DGKB: variants seen among roughly 807,000 people sequenced by gnomAD.
The protein encoded by DGKB is diacylglycerol kinase beta.
A neutral mutation model predicts 114.3 loss-of-function variants in DGKB; 67 were observed. The observed-to-expected ratio is 0.59, with a 90% confidence interval of 0.48 to 0.72. The LOEUF is 0.72. Among genes scored for constraint, DGKB ranks in the 30% least tolerant of loss-of-function variants. The probability of loss-of-function intolerance (pLI) is 0.00; values close to 1 mark genes in which losing one functional copy is unlikely to be tolerated. For missense variants in DGKB, 907 were observed against 975.2 expected, an observed-to-expected ratio of 0.93 and a Z score of 0.93; for synonymous variants, 398 against 323.1, an observed-to-expected ratio of 1.23 and a Z score of -2.49.
chr7:14,783,856 TAGTA>T lies in DGKB; in HGVS notation c.71-26129_71-26126del, dbSNP rs1839475062. Among the ~76,000 whole-genome samples, 3 of 152,338 alleles carry T rather than the reference TAGTA, an allele frequency of 2.0e-5. No individual in the cohort carries two copies. The South Asian group carries it at 6.2e-4, about 32-fold the overall frequency. On this transcript the variant is annotated intron_variant, in intron 2 of 25. Coordinates refer to ENST00000402815, the MANE Select transcript of DGKB (RefSeq NM_001350709.2). ...AATGAAAGAGATGGGATCTTTTTCA[TAGTA>T]AGTAATTACTTTTATTATAGAGTAT...
chr7:14,176,462 C>A, intron 25 of DGKB: 1 of 992,894 alleles, frequency 1.0e-6, no homozygotes, highest in East Asian at 1.1e-4. Flanking sequence ...CACATATAAG[C>A]TTAGGTCTGC....
At chr7:14,536,195 G>T (rs1355383412) in intron 20 of DGKB, among the ~76,000 whole-genome samples, 1 of 152,028 alleles carries the variant, frequency 6.6e-6, no homozygotes, top group Non-Finnish European at 1.5e-5. Context: ...GGACCAGATG[G>T]CTTCACAGGT....
At chr7:14,269,516 T>C (rs1797977599) in intron 23 of DGKB, among the ~76,000 whole-genome samples, 1 of 152,196 alleles carries the variant, frequency 6.6e-6, no homozygotes, top group African/African-American at 2.4e-5. Context: ...AGTATATATT[T>C]TGAAGGCTAT....
At chr7:14,624,839 A>G (rs971609116) in intron 14 of DGKB, among the ~76,000 whole-genome samples, 9 of 152,110 alleles carry the variant, frequency 5.9e-5, no homozygotes, top group South Asian at 2.1e-4. Context: ...CGCTACTAAA[A>G]ACGCAAAAAT....
chr7:14,289,744 CAAAA>C (rs3067647), intron 23 of DGKB, among the ~76,000 whole-genome samples: 378 of 126,790 alleles, frequency 3.0e-3, no homozygotes, highest in Middle Eastern at 4.3e-3. Context: ...AGACATGGAC[CAAAA>C]AAAAAAAAAA....
At chr7:14,161,426 A>G (rs1262400150) in intron 25 of DGKB, among the ~76,000 whole-genome samples, 2 of 152,232 alleles carry the variant, frequency 1.3e-5, no homozygotes, top group African/African-American at 4.8e-5. Context: ...ATGCCCGTCA[A>G]TGATAGACTG....
chr7:14,615,110 C>T (rs1806278612), intron 15 of DGKB, among the ~76,000 whole-genome samples: 1 of 151,932 alleles, frequency 6.6e-6, no homozygotes, highest in Non-Finnish European at 1.5e-5. Context: ...AAGCAAATAG[C>T]AATAATAAAT....
chr7:14,500,054 C>A (rs1785906541), intron 20 of DGKB, among the ~76,000 whole-genome samples: 1 of 151,830 alleles, frequency 6.6e-6, no homozygotes, highest in African/African-American at 2.4e-5. Flanking sequence ...AGTTAATATT[C>A]ACAAATTCGT....
chr7:14,182,723 C>T (rs1314719733), intron 23 of DGKB, among the ~76,000 whole-genome samples: 1 of 152,118 alleles, frequency 6.6e-6, no homozygotes, highest in Non-Finnish European at 1.5e-5. Flanking sequence ...ACGAGCAGCT[C>T]AGCTAATAAG....
chr7:14,544,310 T>C (rs1793943278), intron 20 of DGKB, among the ~76,000 whole-genome samples: 1 of 152,204 alleles, frequency 6.6e-6, no homozygotes, highest in Non-Finnish European at 1.5e-5. Context: ...TTACACAGTG[T>C]GAATTTCTCT....
At chr7:14,349,121 A>G (rs1220029414) in intron 21 of DGKB, among the ~76,000 whole-genome samples, 1 of 152,068 alleles carries the variant, frequency 6.6e-6, no homozygotes, top group Non-Finnish European at 1.5e-5. Context: ...TATTGCAATA[A>G]TTCATATAAA....
At chr7:14,890,812 C>T (rs1192251927) in intron 1 of DGKB, among the ~76,000 whole-genome samples, 1 of 150,944 alleles carries the variant, frequency 6.6e-6, no homozygotes, top group Non-Finnish European at 1.5e-5. Context: ...TTCATCCCTC[C>T]TCTTTATATC....
chr7:14,368,573 CTGTG>C (rs3069084), intron 21 of DGKB, among the ~76,000 whole-genome samples: 49 of 148,726 alleles, frequency 3.3e-4, no homozygotes, highest in Non-Finnish European at 4.6e-4. Context: ...GGTATTTTCT[CTGTG>C]TGTGTGTGTG....
At chr7:14,221,585 A>G in intron 23 of DGKB, among the ~76,000 whole-genome samples, 1 of 151,448 alleles carries the variant, frequency 6.6e-6, no homozygotes, top group Non-Finnish European at 1.5e-5. Flanking sequence ...TATTTTGCTA[A>G]GAATTTTTGC....
intron 4 of DGKB, among the ~76,000 whole-genome samples, chr7:14,739,375 G>T (rs116461486): frequency 6.6e-6 from 1 of 152,150 alleles, no homozygotes; most frequent in Non-Finnish European, 1.5e-5. Context: ...ATGGGGTGGA[G>T]CTACCAGAAA....
At chr7:14,381,114 C>T (rs1415271707) in intron 21 of DGKB, among the ~76,000 whole-genome samples, 1 of 152,170 alleles carries the variant, frequency 6.6e-6, no homozygotes, top group Non-Finnish European at 1.5e-5. Flanking sequence ...CTCAGGGGCT[C>T]GTTCTCTCTG....
intron 20 of DGKB, among the ~76,000 whole-genome samples, chr7:14,515,292 G>A (rs920933735): frequency 6.6e-6 from 1 of 152,070 alleles, no homozygotes. Flanking sequence ...CTGAGGAAAT[G>A]GATTATGGCA....
At chr7:14,821,774 T>C (rs1844971302) in intron 2 of DGKB, among the ~76,000 whole-genome samples, 1 of 152,116 alleles carries the variant, frequency 6.6e-6, no homozygotes, top group Admixed American at 6.6e-5. Context: ...TTTATTGGCC[T>C]CTCTGTGTGG....
intron 23 of DGKB, among the ~76,000 whole-genome samples, chr7:14,194,122 T>C (rs1032589771): frequency 3.3e-5 from 5 of 152,118 alleles, no homozygotes; most frequent in African/African-American, 1.2e-4. Flanking sequence ...GTACAACCAT[T>C]ATGGAAAACA....
Sources: gnomAD v4.1 joint callset for allele counts (sites outside exome capture counted in the v4.1 genomes callset) on GRCh38, gnomAD v4.1.1 for gene constraint, MANE v1.5 for transcripts, NCBI Gene and HGNC (gene_info 2026-07-23, HGNC 2026-07-21) for gene names.